Variants in INPP5F observed in about 807,000 individuals in gnomAD.
INPP5F encodes the protein inositol polyphosphate-5-phosphatase F, also known as phosphatidylinositide 4-phosphatase SAC2.
Under a neutral mutation model 137.2 loss-of-function variants are expected in INPP5F, and 97 were observed. The ratio of observed to expected loss-of-function variants is 0.71; its 90% confidence interval spans 0.60 to 0.84. INPP5F has a LOEUF of 0.84. Ranked by LOEUF, INPP5F falls within the 40% of genes least tolerant of loss-of-function variation. The pLI is 0.00. For missense variants in INPP5F, 1,271 were observed against 1,371.9 expected (o/e 0.93, Z 1.16); for synonymous variants, 504 against 476.9 (o/e 1.06, Z -0.74).
chr10:119,794,207 A>G (rs1850245227), intron 6 of INPP5F, among the ~76,000 whole-genome samples: 1 of 151,742 alleles, frequency 6.6e-6, no homozygotes, highest in Non-Finnish European at 1.5e-5. Flanking sequence ...GAGATTAGGG[A>G]GTGGTGATGA....
Position 119,726,203 on chromosome 10 carries a change from G to A in INPP5F, c.-60G>A. The A allele has an allele frequency of 8.6e-7, 1 of 1,158,798 alleles. No homozygotes were observed. The highest frequency in any genetic ancestry group is 1.1e-6 in the Non-Finnish European group (1 of 878,572). The allele number at this position is 1,158,798 out of a possible 1,614,324, so 71.8% of individuals were successfully genotyped here. On this transcript the variant is annotated 5_prime_UTR_variant, in exon 1 of 20. Coordinates refer to ENST00000650623, the MANE Select transcript of INPP5F (RefSeq NM_014937.4). ...GGCGCGGGCTCTGGCGGCCTCGACCGACTAGGACGCCCCGTGCGCCGCCCG... is the reference window on the plus strand; with the variant it reads ...GGCGCGGGCTCTGGCGGCCTCGACCAACTAGGACGCCCCGTGCGCCGCCCG...
chr10:119,800,338 G>A (rs539767825), intron 9 of INPP5F, among the ~76,000 whole-genome samples: 2 of 150,926 alleles, frequency 1.3e-5, no homozygotes, highest in East Asian at 1.9e-4. Flanking sequence ...GGCGGATCAC[G>A]AGGTCAGGAG....
In INPP5F at chr10:119,748,975, C is replaced by A. The variant is rs879272873; in HGVS notation, c.98-2101C>A. On this transcript the variant is annotated intron_variant, in intron 1 of 19. Coordinates refer to ENST00000650623, the MANE Select transcript of INPP5F (RefSeq NM_014937.4). The surrounding 1 kb of genome is among the most constrained non-coding windows in gnomAD (Gnocchi z 4.7). Reference sequence around the variant, plus strand: ...GAGCTGCCCTCACCCCTGCTGGCCTCTCTCCCACGCTTATCGGCACCCGAA... The same window carrying A: ...GAGCTGCCCTCACCCCTGCTGGCCTATCTCCCACGCTTATCGGCACCCGAA... Among the ~76,000 whole-genome samples the A allele has an allele frequency of 2.6e-5, 4 of 152,226 alleles. No individual in the cohort carries two copies. The highest frequency in any genetic ancestry group is 4.4e-5 in the Non-Finnish European group (3 of 68,040).
chr10:119,818,274 G>A (rs1463890374), intron 15 of INPP5F, among the ~76,000 whole-genome samples: 1 of 152,246 alleles, frequency 6.6e-6, no homozygotes, highest in South Asian at 2.1e-4. Context: ...GGAAACCACG[G>A]ACCTGCAGGG....
At chr10:119,728,446 A>C (rs146921594) in intron 1 of INPP5F, among the ~76,000 whole-genome samples, 1 of 152,134 alleles carries the variant, frequency 6.6e-6, no homozygotes, top group Non-Finnish European at 1.5e-5. Context: ...TCTTTATTTT[A>C]TTGGACTTTT....
chr10:119,731,612 T>A (rs1045802860), intron 1 of INPP5F, among the ~76,000 whole-genome samples: 5 of 152,246 alleles, frequency 3.3e-5, no homozygotes, highest in Middle Eastern at 3.4e-3. Flanking sequence ...TGCAGTGAGC[T>A]GAGATGGTGC....
intron 2 of INPP5F, 111 bp downstream of exon 2, chr10:119,751,267 AT>A (rs1217166750): frequency 1.3e-6 from 1 of 742,404 alleles, no homozygotes; most frequent in African/African-American, 1.7e-5. Flanking sequence ...CTTTGTTTTA[AT>A]TTTGGGTCTG....
intron 2 of INPP5F, among the ~76,000 whole-genome samples, chr10:119,773,170 T>C (rs1048027956): frequency 6.6e-6 from 1 of 151,614 alleles, no homozygotes; most frequent in Non-Finnish European, 1.5e-5. Flanking sequence ...AATTCTCCCA[T>C]GTCAGCCTCC....
At position 119,810,114 on chromosome 10, in the gene INPP5F, G is replaced by A; in HGVS notation, c.1584G>A (p.Arg528=). 6.2e-7 allele frequency: 1 copy of A among 1,609,396 alleles called. No homozygotes were observed. Among genetic ancestry groups the A allele is most frequent in the Non-Finnish European group, 8.5e-7 (1 of 1,176,050 alleles). ...TTGTTTGACAGGGTGACTTTACAAG[G>A]ACAGGAGAAAGGAAGTTAGCAGGAG... ...GTAALKGDFT[R]TGERKLAGVM... Residue 528 remains arginine, a synonymous_variant, in exon 14 of 20, where the codon AGG becomes AGA. Transcript: ENST00000650623.
intron 19 of INPP5F, among the ~76,000 whole-genome samples, chr10:119,824,244 A>T (rs1851677746): frequency 6.6e-6 from 1 of 152,168 alleles, no homozygotes; most frequent in Non-Finnish European, 1.5e-5. Context: ...CAAAGTACAG[A>T]TTTCACTAGG....
At chr10:119,779,754 T>C (rs1361757535) in intron 2 of INPP5F, among the ~76,000 whole-genome samples, 2 of 152,182 alleles carry the variant, frequency 1.3e-5, no homozygotes, top group African/African-American at 2.4e-5. Context: ...TAAATTAACC[T>C]TAGCTTACTG....
intron 7 of INPP5F, 138 bp downstream of exon 7, chr10:119,797,051 T>A: frequency 1.2e-6 from 1 of 827,274 alleles, no homozygotes; most frequent in Non-Finnish European, 2.0e-6. Context: ...CTAAATACTG[T>A]GATGTAATTG....
intron 1 of INPP5F, among the ~76,000 whole-genome samples, chr10:119,733,943 C>G (rs190321573): frequency 4.6e-5 from 7 of 152,288 alleles, no homozygotes; most frequent in African/African-American, 1.4e-4. Context: ...TGAAATAATT[C>G]TAGTCCCTGG....
At position 119,822,710 on chromosome 10, in the gene INPP5F, C is replaced by T. The variant is rs192254636; in HGVS notation, c.2032+206C>T. On this transcript the variant is annotated intron_variant, in intron 17 of 19. Transcript: ENST00000650623. ...AAGGCAGAAATGTCGGCTCTTCTTACAGTGGAATTTGGAGACCAGTATAAC... is the reference window on the plus strand; with the variant it reads ...AAGGCAGAAATGTCGGCTCTTCTTATAGTGGAATTTGGAGACCAGTATAAC... Among the ~76,000 whole-genome samples, 52 of 152,308 alleles carry T rather than the reference C, an allele frequency of 3.4e-4. 2 individuals carry two copies. Among genetic ancestry groups the T allele is most frequent in the Admixed American group, 3.4e-3 (52 of 15,304 alleles).
chr10:119,793,044 T>A (rs1850203839), intron 6 of INPP5F, among the ~76,000 whole-genome samples: 1 of 152,150 alleles, frequency 6.6e-6, no homozygotes, highest in Non-Finnish European at 1.5e-5. Context: ...CTTACCTCTG[T>A]TTGCAATGCT....
chr10:119,774,963 TC>T (rs1255715462), intron 2 of INPP5F, among the ~76,000 whole-genome samples: 1 of 151,550 alleles, frequency 6.6e-6, no homozygotes, highest in Non-Finnish European at 1.5e-5. Flanking sequence ...TTAGTTTTTT[TC>T]CTCACTGTTT....
chr10:119,790,411 T>C (rs936468025), intron 3 of INPP5F, among the ~76,000 whole-genome samples: 2 of 152,232 alleles, frequency 1.3e-5, no homozygotes, highest in African/African-American at 4.8e-5. Context: ...AGCTTAAAGC[T>C]GTAATCATGG....
At chr10:119,767,107 G>GAAAAAAAA (rs35875262) in intron 2 of INPP5F, among the ~76,000 whole-genome samples, 6,560 of 40,600 alleles carry the variant, frequency 0.16, 1,716 homozygotes, top group Middle Eastern at 0.43. Flanking sequence ...TCTGTCTCCA[G>GAAAAAAAA]AAAAAAAAAA....
chr10:119,747,125 A>G (rs1232357444), intron 1 of INPP5F, among the ~76,000 whole-genome samples: 1 of 152,218 alleles, frequency 6.6e-6, no homozygotes. Context: ...GTTTAATCTT[A>G]TCAGCAATAG....
Sources: gnomAD v4.1 joint callset for allele counts (sites outside exome capture counted in the v4.1 genomes callset) on GRCh38, gnomAD v4.1.1 for gene constraint, Gnocchi (gnomAD v3.1) non-coding constraint, MANE v1.5 for transcripts, NCBI Gene and HGNC (gene_info 2026-07-23, HGNC 2026-07-21) for gene names.